Variants in PTH2R observed in about 807,000 individuals in gnomAD.
PTH2R encodes PTH2 receptor.
PTH2R carries 59 observed loss-of-function variants against 60.3 expected under a neutral mutation model. The observed-to-expected ratio is 0.98, with a 90% CI of 0.79 to 1.22. PTH2R has a LOEUF of 1.22. PTH2R is among the 50% of genes most tolerant of loss of function. The pLI is 0.00. For missense variants in PTH2R, 749 were observed against 682.6 expected (o/e 1.10, Z -1.08); for synonymous variants, 256 against 243.8 (o/e 1.05, Z -0.47).
intron 4 of PTH2R, among the ~76,000 whole-genome samples, chr2:208,439,633 A>G (rs1362608030): frequency 1.3e-5 from 2 of 152,058 alleles, no homozygotes; most frequent in Non-Finnish European, 1.5e-5. Flanking sequence ...AAATTTTTAT[A>G]TAATTGGCTT....
intron 8 of PTH2R, among the ~76,000 whole-genome samples, chr2:208,453,415 TC>T (rs917287170): frequency 1.3e-5 from 2 of 152,230 alleles, no homozygotes; most frequent in Admixed American, 6.5e-5. Flanking sequence ...ATATAAATCT[TC>T]CTTATCAAAT....
intron 9 of PTH2R, chr2:208,466,723 T>C (rs1191086391): frequency 6.6e-6 from 1 of 152,238 alleles, no homozygotes; most frequent in Non-Finnish European, 1.5e-5. Context: ...TTTCTTGGTA[T>C]TCAGTTGTCT....
intron 9 of PTH2R, among the ~76,000 whole-genome samples, chr2:208,462,624 CTTAGAA>C (rs1702656355): frequency 6.6e-6 from 1 of 152,180 alleles, no homozygotes; most frequent in South Asian, 2.1e-4. Context: ...GATTATTTCA[CTTAGAA>C]TGCCAAAGAC....
rs559229448 is a variant in PTH2R at position 208,380,278 on chromosome 2, C to T, written c.-259+20041C>T. Among the ~76,000 whole-genome samples, 121 of 152,206 alleles carry T rather than the reference C, an allele frequency of 7.9e-4. 2 individuals are homozygous for T. Among genetic ancestry groups the T allele is most frequent in the African/African-American group, 2.9e-3 (120 of 41,484 alleles). On this transcript the variant is annotated intron_variant, in intron 1 of 12. Transcript: ENST00000617735. ...TAGCAGAGGAAGCAGCCCCAAGTGA[C>T]AGGACATAAACTTTAAATTCACAAG...
chr2:208,432,514 C>T (rs760603723), intron 2 of PTH2R, among the ~76,000 whole-genome samples: 1 of 152,056 alleles, frequency 6.6e-6, no homozygotes, highest in Non-Finnish European at 1.5e-5. Context: ...TCAAAGTTCT[C>T]CAGAGGAACA....
At chr2:208,489,269 G>C (rs1256737294) in intron 11 of PTH2R, 119 bp downstream of exon 11, 9 of 1,301,198 alleles carry the variant, frequency 6.9e-6, no homozygotes, top group African/African-American at 3.0e-5. Context: ...TGGGGAGTTG[G>C]GGGGTGCAGA....
chr2:208,454,169 T>A (rs1249169956), intron 8 of PTH2R, among the ~76,000 whole-genome samples: 2 of 152,176 alleles, frequency 1.3e-5, no homozygotes, highest in African/African-American at 4.8e-5. Context: ...AAAATTCTTT[T>A]TTTTTTGGTA....
At chr2:208,395,876 A>G (rs965139281) in intron 1 of PTH2R, among the ~76,000 whole-genome samples, 2 of 152,224 alleles carry the variant, frequency 1.3e-5, no homozygotes, top group African/African-American at 4.8e-5. Context: ...AAAAAGAACA[A>G]CGCTGGAGGC....
At chr2:208,437,134 T>A (rs1002878335) in intron 2 of PTH2R, among the ~76,000 whole-genome samples, 1 of 152,224 alleles carries the variant, frequency 6.6e-6, no homozygotes, top group Non-Finnish European at 1.5e-5. Context: ...AGTGCGCTGC[T>A]TCAGGTGTTA....
chr2:208,370,365 C>T lies in PTH2R; in HGVS notation c.-259+10128C>T, dbSNP rs375364270. Among the ~76,000 whole-genome samples the T allele has an allele frequency of 9.5e-5, 12 of 126,364 alleles. No homozygotes were observed. In the East Asian group the frequency reaches 2.9e-3, roughly 31 times the overall value. 82.9% of individuals were successfully genotyped at this position (126,364 alleles called of 152,430 possible). On this transcript the variant is annotated intron_variant, in intron 1 of 12. Coordinates refer to the PTH2R transcript ENST00000617735. ...GGCTGAGGCAGGAGAATGGCGTGAA[C>T]ATGGGAGGCGGAGCTTGCAGTGAGC...
chr2:208,368,765 C>T (rs1478106600), intron 1 of PTH2R, among the ~76,000 whole-genome samples: 1 of 152,224 alleles, frequency 6.6e-6, no homozygotes, highest in Non-Finnish European at 1.5e-5. Context: ...GTCTCCTCCT[C>T]TGGTAGATTA....
intron 2 of PTH2R, among the ~76,000 whole-genome samples, chr2:208,433,793 C>T (rs1702019460): frequency 1.3e-5 from 2 of 152,134 alleles, no homozygotes; most frequent in Admixed American, 6.5e-5. Flanking sequence ...AAGAGAAAAA[C>T]GTTCTCCAAA....
At chr2:208,468,915 C>T (rs988974033) in intron 9 of PTH2R, among the ~76,000 whole-genome samples, 4 of 151,938 alleles carry the variant, frequency 2.6e-5, no homozygotes, top group Non-Finnish European at 5.9e-5. Flanking sequence ...GTTGGAAAAA[C>T]AAAACATGCA....
chr2:208,430,278 T>C (rs573492614), intron 2 of PTH2R, among the ~76,000 whole-genome samples: 1 of 152,266 alleles, frequency 6.6e-6, no homozygotes. Context: ...ATAATTTTTC[T>C]TCTTTGAATA....
intron 1 of PTH2R, among the ~76,000 whole-genome samples, chr2:208,408,740 A>AAGAGAGAGAGAGAGAGAGAGAGAG (rs56107941): frequency 1.6e-5 from 2 of 123,312 alleles, no homozygotes; most frequent in Non-Finnish European, 1.6e-5. Flanking sequence ...GAGAGAGAGA[A>AAGAGAGAGAGAGAGAGAGAGAGAG]AGAGAGAGAG....
At chr2:208,377,413 G>T (rs1271721145) in intron 1 of PTH2R, among the ~76,000 whole-genome samples, 2 of 151,868 alleles carry the variant, frequency 1.3e-5, no homozygotes, top group Admixed American at 6.6e-5. Context: ...GGTGGTGGCC[G>T]GGCAGAGGGG....
At chr2:208,432,592 G>A (rs1701993747) in intron 2 of PTH2R, among the ~76,000 whole-genome samples, 1 of 152,150 alleles carries the variant, frequency 6.6e-6, no homozygotes, top group South Asian at 2.1e-4. Flanking sequence ...ATGATCACAG[G>A]GTGAAGTCCC....
chr2:208,377,733 C>G (rs1412271215), intron 1 of PTH2R, among the ~76,000 whole-genome samples: 1 of 150,646 alleles, frequency 6.6e-6, no homozygotes, highest in Admixed American at 6.6e-5. Flanking sequence ...ACCTCCCAGA[C>G]GGGGTCGCGG....
chr2:208,377,563 CTG>C (rs1700822551), intron 1 of PTH2R, among the ~76,000 whole-genome samples: 1 of 147,290 alleles, frequency 6.8e-6, no homozygotes, highest in Admixed American at 6.6e-5. Context: ...CCACCTGCCT[CTG>C]GGACGGGGCG....
Sources: allele counts gnomAD v4.1 joint callset (sites outside exome capture counted in the v4.1 genomes callset), GRCh38; gene constraint gnomAD v4.1.1; transcripts MANE v1.5; gene names NCBI Gene and HGNC (gene_info 2026-07-23, HGNC 2026-07-21).